Variants in PTK2 observed in about 807,000 individuals in gnomAD.
PTK2 encodes protein tyrosine kinase 2, also known as focal adhesion kinase 1.
Under a neutral mutation model 150.1 loss-of-function variants are expected in PTK2, and 45 were observed. That is an observed-to-expected ratio of 0.30 (90% CI 0.24 to 0.38). The LOEUF (loss-of-function observed/expected upper bound fraction) is 0.38. Among genes scored for constraint, PTK2 ranks in the 10% least tolerant of loss-of-function variants. The pLI, the probability that PTK2 is intolerant of heterozygous loss-of-function variation, is 1.00. For synonymous variants in PTK2, 432 were observed against 449.2 expected, an observed-to-expected ratio of 0.96 and a Z score of 0.48; for missense variants, 919 against 1,307.3, an observed-to-expected ratio of 0.70 and a Z score of 4.58.
chr8:140,831,531 T>C (rs1249534096), intron 7 of PTK2, among the ~76,000 whole-genome samples: 1 of 152,252 alleles, frequency 6.6e-6, no homozygotes, highest in African/African-American at 2.4e-5. Flanking sequence ...TGATACTATA[T>C]TCAAACATTT....
At chr8:140,751,534 C>T (rs2100062677) in intron 17 of PTK2, among the ~76,000 whole-genome samples, 1 of 151,730 alleles carries the variant, frequency 6.6e-6, no homozygotes, top group Non-Finnish European at 1.5e-5. Flanking sequence ...CTCTATTGCC[C>T]AGGCTGAAGT....
intron 12 of PTK2, chr8:140,799,240 C>A (rs1452637749): frequency 2.0e-5 from 3 of 152,264 alleles, no homozygotes; most frequent in Non-Finnish European, 4.4e-5. Context: ...AACACCATGC[C>A]TTCCTCAAAC....
At position 140,946,343 on chromosome 8, in the gene PTK2, G is replaced by A. The variant is rs148182022; in HGVS notation, c.-121-20594C>T. Among the ~76,000 whole-genome samples the A allele has an allele frequency of 1.6e-4, 25 of 152,200 alleles. No individual in the cohort carries two copies. The East Asian group carries it at 3.9e-3, about 23-fold the overall frequency. On this transcript the variant is annotated intron_variant, in intron 1 of 31. Transcript: ENST00000522684. ...TTTAAAAGTCAAAATAATTAAAAAC[G>A]AAAATACGGATCTAAACAAAAACTG...
At chr8:140,961,909 T>C (rs941134277) in intron 1 of PTK2, among the ~76,000 whole-genome samples, 4 of 152,088 alleles carry the variant, frequency 2.6e-5, no homozygotes, top group Non-Finnish European at 5.9e-5. Context: ...GGTGGTGTTT[T>C]AGGAAAACTG....
Position 140,813,180 on chromosome 8 carries a change from T to A in PTK2, c.867+5097A>T, listed in dbSNP as rs183225342. On this transcript the variant is annotated intron_variant, in intron 10 of 31. Transcript: ENST00000522684. ...AAAAGAACTGAAATCATAATAACCA[T>A]TCCCTCAGAGCACAGCATGGCCAAA... is the stretch of plus-strand genomic sequence containing the variant. Among the ~76,000 whole-genome samples the A allele has an allele frequency of 2.0e-5, 3 of 152,260 alleles. No homozygotes were observed. The East Asian group carries it at 5.8e-4, about 29-fold the overall frequency.
intron 15 of PTK2, among the ~76,000 whole-genome samples, chr8:140,762,939 C>T (rs1178145082): frequency 6.6e-6 from 1 of 152,112 alleles, no homozygotes; most frequent in Non-Finnish European, 1.5e-5. Context: ...TGCTACCACG[C>T]CTGCCTAATT....
intron 14 of PTK2, 22 bp downstream of exon 16, chr8:140,769,553 C>T (rs1384833722): frequency 1.5e-6 from 2 of 1,338,400 alleles, no homozygotes; most frequent in Admixed American, 1.9e-5. Context: ...AGCAGTAACA[C>T]AAATGTGAAA....
chr8:140,919,148 A>G (rs1180462441), intron 2 of PTK2, among the ~76,000 whole-genome samples: 2 of 152,200 alleles, frequency 1.3e-5, no homozygotes, highest in Admixed American at 6.5e-5. Flanking sequence ...AAAACCATGT[A>G]TATGAGGAGA....
intron 1 of PTK2, among the ~76,000 whole-genome samples, chr8:140,959,543 A>T (rs2100182374): frequency 6.6e-6 from 1 of 150,944 alleles, no homozygotes; most frequent in Admixed American, 6.6e-5. Flanking sequence ...TGTCTCAAAA[A>T]AAAAAAAAAA....
At chr8:140,730,278 A>G (rs1441091917) in intron 22 of PTK2, among the ~76,000 whole-genome samples, 1 of 152,240 alleles carries the variant, frequency 6.6e-6, no homozygotes, top group East Asian at 1.9e-4. Context: ...AATTAGAAGT[A>G]TACAAATTTC....
At chr8:140,804,441 A>T (rs1392570992) in intron 10 of PTK2, among the ~76,000 whole-genome samples, 4 of 151,868 alleles carry the variant, frequency 2.6e-5, no homozygotes. Context: ...AAAAAAAAAT[A>T]ACCAGGCATG....
At chr8:140,966,810 T>C (rs1284509501) in intron 1 of PTK2, among the ~76,000 whole-genome samples, 2 of 152,224 alleles carry the variant, frequency 1.3e-5, no homozygotes, top group Admixed American at 1.3e-4. Context: ...TAGGTATAAA[T>C]AGATGCTTGG....
chr8:140,743,170 T>C, intron 20 of PTK2, 60 bp downstream of exon 23: 1 of 1,186,894 alleles, frequency 8.4e-7, no homozygotes, highest in Non-Finnish European at 1.2e-6. Context: ...GAACATACTG[T>C]TTTTAGAAAT....
chr8:140,713,451 CG>C (rs1485354280), intron 23 of PTK2, among the ~76,000 whole-genome samples: 2 of 152,122 alleles, frequency 1.3e-5, no homozygotes, highest in Non-Finnish European at 2.9e-5. Flanking sequence ...TTAGTTGAAA[CG>C]GGGTTTTGCC....
At chr8:140,860,608 G>C (rs963793665) in intron 5 of PTK2, among the ~76,000 whole-genome samples, 1 of 152,124 alleles carries the variant, frequency 6.6e-6, no homozygotes, top group Non-Finnish European at 1.5e-5. Context: ...TCAGTAGCTG[G>C]GATACAGGTG....
At chr8:140,876,439 C>T (rs2100145571) in intron 4 of PTK2, among the ~76,000 whole-genome samples, 1 of 152,176 alleles carries the variant, frequency 6.6e-6, no homozygotes, top group South Asian at 2.1e-4. Context: ...CTGAATTTTT[C>T]TCTGGGTGTC....
chr8:140,659,818 T>C, intron 31 of PTK2, 140 bp from the exon 36 acceptor site: 2 of 723,908 alleles, frequency 2.8e-6, no homozygotes, highest in Non-Finnish European at 4.5e-6. Flanking sequence ...GCCTTCCCAC[T>C]AGCTGGGAAC....
chr8:140,735,292 G>C, exon 22 of PTK2: 1 of 1,614,096 alleles, frequency 6.2e-7, no homozygotes, highest in Non-Finnish European at 8.5e-7. Context: ...GCCGCCTGCT[G>C]GGGTCATAGG....
intron 23 of PTK2, among the ~76,000 whole-genome samples, chr8:140,710,207 A>G (rs910579176): frequency 4.7e-4 from 71 of 151,726 alleles, no homozygotes; most frequent in Non-Finnish European, 3.2e-4. Flanking sequence ...GCTTGCACCT[A>G]TAGTCCCAGC....
Sources: gnomAD v4.1 joint callset for allele counts (sites outside exome capture counted in the v4.1 genomes callset) on GRCh38, gnomAD v4.1.1 for gene constraint, MANE v1.5 for transcripts, NCBI Gene and HGNC (gene_info 2026-07-23, HGNC 2026-07-21) for gene names.